The following FBXO32 variants were observed in gnomAD, a reference collection of about 807,000 sequenced individuals.
The protein encoded by FBXO32 is F-box only protein 32.
FBXO32 carries 15 observed loss-of-function variants against 48.3 expected under a neutral mutation model. The ratio of observed to expected loss-of-function variants is 0.31; its 90% CI spans 0.21 to 0.48. The LOEUF (loss-of-function observed/expected upper bound fraction) is 0.48. Ranked by LOEUF, FBXO32 falls within the 20% of genes least tolerant of loss-of-function variation. FBXO32 has a pLI of 0.99. For synonymous variants in FBXO32, 154 were observed against 165.9 expected (o/e 0.93, Z 0.55); for missense variants, 309 against 432.7 (o/e 0.71, Z 2.54).
At chr8:123,535,829 T>TTG (rs1261625226) in intron 1 of FBXO32, among the ~76,000 whole-genome samples, 4 of 150,246 alleles carry the variant, frequency 2.7e-5, no homozygotes, top group Non-Finnish European at 5.9e-5. Context: ...AATTAGGGGT[T>TTG]TTTTTTTTTT....
In FBXO32 at chr8:123,513,977, A is replaced by C. The variant is rs1816787146; in HGVS notation, c.466+263T>G. 2.6e-6 allele frequency: 1 copy of C among 391,526 alleles called. No homozygotes were observed. Among genetic ancestry groups the C allele is most frequent in the Non-Finnish European group, 4.5e-6 (1 of 220,072 alleles). 24.3% of individuals were successfully genotyped at this position (391,526 alleles called of 1,614,324 possible). A position where few individuals can be genotyped will look rare whatever the true frequency, so the allele number is the denominator to read the frequency against. Reference sequence around the variant, plus strand: ...AGCCAGTGTTGGGACCTGTGTCTACACTGAGAAGCCTACGAGGCTTATAGT... The same window carrying C: ...AGCCAGTGTTGGGACCTGTGTCTACCCTGAGAAGCCTACGAGGCTTATAGT... On this transcript the variant is annotated intron_variant, in intron 5 of 8. Coordinates refer to ENST00000517956, the MANE Select transcript of FBXO32 (RefSeq NM_058229.4). The surrounding 1 kb of genome is among the most constrained non-coding windows in gnomAD (Gnocchi z 4.3).
intron 1 of FBXO32, among the ~76,000 whole-genome samples, chr8:123,536,646 AAC>A (rs1378633538): frequency 6.6e-6 from 1 of 152,230 alleles, no homozygotes; most frequent in Non-Finnish European, 1.5e-5. Flanking sequence ...ACTTAGAAAG[AAC>A]ACACACAACC....
chr8:123,519,245 G>C (rs1816899822), intron 4 of FBXO32, among the ~76,000 whole-genome samples: 1 of 152,164 alleles, frequency 6.6e-6, no homozygotes, highest in Admixed American at 6.5e-5. Context: ...TGGGGAAACA[G>C]AGTCTAGAAA....
intron 3 of FBXO32, among the ~76,000 whole-genome samples, chr8:123,532,437 T>C (rs1209745156): frequency 1.3e-5 from 2 of 152,242 alleles, no homozygotes; most frequent in Non-Finnish European, 2.9e-5. Flanking sequence ...AATAGTGCTT[T>C]TCTCACTGTG....
At chr8:123,531,502 G>C (rs1817208224) in intron 4 of FBXO32, among the ~76,000 whole-genome samples, 2 of 152,232 alleles carry the variant, frequency 1.3e-5, no homozygotes, top group African/African-American at 4.8e-5. Flanking sequence ...ACAGTCCAAA[G>C]TGCTTTAGGG....
chr8:123,540,386 G>T lies in FBXO32; in HGVS notation c.116+513C>A, dbSNP rs1817387842. 6.6e-6 allele frequency among the ~76,000 whole-genome samples: 1 copy of T among 152,228 alleles called. No individual in the cohort carries two copies. Among genetic ancestry groups the T allele is most frequent in the African/African-American group, 2.4e-5 (1 of 41,468 alleles). ...TACTCATCCTCCCGGCCACTTCGTGGTTGCCCGTGCCTGGGCAGGGCCTGG... is the reference window on the plus strand; with the variant it reads ...TACTCATCCTCCCGGCCACTTCGTGTTTGCCCGTGCCTGGGCAGGGCCTGG... On this transcript the variant is annotated intron_variant, in intron 1 of 8. Transcript: ENST00000517956. This position sits in a 1 kb window ranked among gnomAD's most constrained non-coding sequence, Gnocchi z 6.4.
At chr8:123,514,432 C>T (rs536984509) in intron 4 of FBXO32, 99 bp from the exon 5 acceptor site, 50 of 779,272 alleles carry the variant, frequency 6.4e-5, no homozygotes, top group African/African-American at 3.0e-4. Flanking sequence ...TACAGACTGA[C>T]GGGGAGAGAT....
At chr8:123,529,956 G>A (rs1431594472) in intron 4 of FBXO32, among the ~76,000 whole-genome samples, 3 of 152,092 alleles carry the variant, frequency 2.0e-5, no homozygotes, top group East Asian at 3.9e-4. Flanking sequence ...CCTAGAAGAT[G>A]GAAACTATTT....
intron 6 of FBXO32, among the ~76,000 whole-genome samples, chr8:123,509,315 AAAGT>A (rs1410551251): frequency 6.6e-6 from 1 of 152,200 alleles, no homozygotes; most frequent in Non-Finnish European, 1.5e-5. Flanking sequence ...AACTGTTAAA[AAAGT>A]AAGTTTTAAA....
chr8:123,533,322 G>T, intron 2 of FBXO32, 82 bp from the exon 3 acceptor site: 2 of 1,189,380 alleles, frequency 1.7e-6, no homozygotes, highest in Non-Finnish European at 2.4e-6. Context: ...TTATTCCAAA[G>T]TTTTAAAAGT....
intron 4 of FBXO32, among the ~76,000 whole-genome samples, chr8:123,520,667 GTATC>G: frequency 6.6e-6 from 1 of 152,290 alleles, no homozygotes; most frequent in African/African-American, 2.4e-5. Flanking sequence ...CACTGCTCTC[GTATC>G]AAGAGCAGGC....
chr8:123,498,561 A>C lies in FBXO32; in HGVS notation c.*4812T>G, dbSNP rs2130482280. On this transcript the variant is annotated 3_prime_UTR_variant, in exon 9 of 9. Coordinates refer to ENST00000517956, the MANE Select transcript of FBXO32 (RefSeq NM_058229.4). ...ATCCCCCTTTGCTTAGTAAAAGATGAAGTTTAGTGGAGAATGAACATCCGC... is the reference window on the plus strand; with the variant it reads ...ATCCCCCTTTGCTTAGTAAAAGATGCAGTTTAGTGGAGAATGAACATCCGC... 1 of 152,250 alleles carries C rather than the reference A, an allele frequency of 6.6e-6. No individual in the cohort carries two copies. The highest frequency in any genetic ancestry group is 6.5e-5 in the Admixed American group (1 of 15,286). 9.4% of individuals were successfully genotyped at this position (152,250 alleles called of 1,614,324 possible). A position where few individuals can be genotyped will look rare whatever the true frequency, so the allele number is the denominator to read the frequency against.
chr8:123,524,201 C>T (rs533291753), intron 4 of FBXO32, among the ~76,000 whole-genome samples: 5 of 152,274 alleles, frequency 3.3e-5, no homozygotes, highest in Non-Finnish European at 7.4e-5. Flanking sequence ...GTGGGCATCT[C>T]CCACTTTTTC....
At chr8:123,538,622 G>A (rs1216630622) in intron 1 of FBXO32, among the ~76,000 whole-genome samples, 1 of 152,034 alleles carries the variant, frequency 6.6e-6, no homozygotes, top group Non-Finnish European at 1.5e-5. Flanking sequence ...AGCAGGGAAG[G>A]GATTGTTTAC....
Position 123,513,082 on chromosome 8 carries a change from G to T in FBXO32, c.651+116C>A. 1 of 1,137,838 alleles carries T rather than the reference G, an allele frequency of 8.8e-7. No homozygotes were observed. Among genetic ancestry groups the T allele is most frequent in the Non-Finnish European group, 1.3e-6 (1 of 797,090 alleles). The allele number at this position is 1,137,838 out of a possible 1,614,324, so 70.5% of individuals were successfully genotyped here. On this transcript the variant is annotated intron_variant, in intron 6 of 8. Transcript: ENST00000517956. This position sits in a 1 kb window ranked among gnomAD's most constrained non-coding sequence, Gnocchi z 4.3. ...CCCTCAGCACCAGAACAAAGCAGCA[G>T]ATCAGAAAAGACCAGACTCTTCCGT...
In FBXO32 at chr8:123,503,185, T is replaced by G; in HGVS notation, c.*188A>C. ...TTTCCATACCAATTCTAGTGAGAAG[T>G]TCACATTCTTAAATTCCCAGTCAGC... is the stretch of plus-strand genomic sequence containing the variant. On this transcript the variant is annotated 3_prime_UTR_variant, in exon 9 of 9. Transcript: ENST00000517956. 2.0e-6 allele frequency: 1 copy of G among 487,990 alleles called. No individual in the cohort carries two copies. Among genetic ancestry groups the G allele is most frequent in the Non-Finnish European group, 3.6e-6 (1 of 275,312 alleles). The allele number at this position is 487,990 out of a possible 1,614,324, so 30.2% of individuals were successfully genotyped here.
At chr8:123,529,459 A>G (rs1817155438) in intron 4 of FBXO32, among the ~76,000 whole-genome samples, 2 of 152,234 alleles carry the variant, frequency 1.3e-5, no homozygotes, top group Admixed American at 1.3e-4. Context: ...TTCTGTTTAT[A>G]TCACTGAGTT....
At chr8:123,512,902 G>A (rs891302724) in intron 6 of FBXO32, among the ~76,000 whole-genome samples, 7 of 152,114 alleles carry the variant, frequency 4.6e-5, no homozygotes, top group East Asian at 1.9e-4. Context: ...TCTGAACCCC[G>A]CTAAAGATTT....
chr8:123,503,556 C>G (rs1178053815), intron 8 of FBXO32, 94 bp from the exon 9 acceptor site: 1 of 881,614 alleles, frequency 1.1e-6, no homozygotes, highest in Non-Finnish European at 1.8e-6. Flanking sequence ...AGCAACAATT[C>G]TCTGTCAATA....
Sources: gnomAD v4.1 joint callset for allele counts (sites outside exome capture counted in the v4.1 genomes callset) on GRCh38, gnomAD v4.1.1 for gene constraint, Gnocchi (gnomAD v3.1) non-coding constraint, MANE v1.5 for transcripts, NCBI Gene and HGNC (gene_info 2026-07-23, HGNC 2026-07-21) for gene names.